Variants in CBFB observed in about 807,000 individuals in gnomAD.
CBFB encodes CBF-beta.
A neutral mutation model predicts 30.4 loss-of-function variants in CBFB; 9 were observed. The ratio of observed to expected loss-of-function variants is 0.30; its 90% CI spans 0.18 to 0.52. The LOEUF (loss-of-function observed/expected upper bound fraction) is 0.52. Among genes scored for constraint, CBFB ranks in the 20% least tolerant of loss-of-function variants. The pLI, the probability that CBFB is intolerant of heterozygous loss-of-function variation, is 0.97. For missense variants in CBFB, 170 were observed against 244.0 expected, an observed-to-expected ratio of 0.70 and a Z score of 2.02; for synonymous variants, 94 against 84.0, an observed-to-expected ratio of 1.12 and a Z score of -0.65.
At chr16:67,066,836 T>A in intron 4 of CBFB, 38 bp downstream of exon 4, 1 of 1,187,158 alleles carries the variant, frequency 8.4e-7, no homozygotes. Flanking sequence ...ATGGTCCCTT[T>A]AGTCCCTAAT....
At chr16:67,050,558 A>G (rs1966723133) in intron 3 of CBFB, among the ~76,000 whole-genome samples, 1 of 152,032 alleles carries the variant, frequency 6.6e-6, no homozygotes. Flanking sequence ...GTTTTGGGAG[A>G]CCAAGGCAGG....
At chr16:67,060,493 T>G (rs1445638149) in intron 3 of CBFB, among the ~76,000 whole-genome samples, 3 of 152,172 alleles carry the variant, frequency 2.0e-5, no homozygotes, top group African/African-American at 7.2e-5. Context: ...CTTATCTCCT[T>G]CGTGTTGCTC....
intron 4 of CBFB, 69 bp from the exon 5 acceptor site, chr16:67,082,144 A>C (rs76490053): frequency 9.1e-6 from 12 of 1,323,526 alleles, no homozygotes; most frequent in East Asian, 2.6e-5. Context: ...AAAAAAAAAA[A>C]ACAAAACCCA....
intron 3 of CBFB, among the ~76,000 whole-genome samples, chr16:67,046,741 G>A (rs1966634505): frequency 6.6e-6 from 1 of 152,118 alleles, no homozygotes; most frequent in Non-Finnish European, 1.5e-5. Context: ...GGAAGAAAAC[G>A]TTTGTAATTT....
At chr16:67,055,357 CTTTTTTTTTTTTTTTTTT>C (rs1163773529) in intron 3 of CBFB, among the ~76,000 whole-genome samples, 3 of 81,474 alleles carry the variant, frequency 3.7e-5, no homozygotes, top group South Asian at 4.3e-4. Context: ...CAGACACTTT[CTTTTTTTTTTTTTTTTTT>C]TTTTTTTTTG....
At chr16:67,040,555 A>G (rs1966512391) in intron 3 of CBFB, among the ~76,000 whole-genome samples, 1 of 152,160 alleles carries the variant, frequency 6.6e-6, no homozygotes, top group South Asian at 2.1e-4. Flanking sequence ...TGTTTTGACC[A>G]CTACTGTACC....
intron 4 of CBFB, among the ~76,000 whole-genome samples, chr16:67,070,106 T>C (rs1567617023): frequency 6.6e-6 from 1 of 152,244 alleles, no homozygotes; most frequent in Non-Finnish European, 1.5e-5. Flanking sequence ...ATAAAGAAAC[T>C]CTTTGTTTCT....
intron 4 of CBFB, 42 bp from the exon 5 acceptor site, chr16:67,082,171 T>TA (rs1961578465): frequency 2.1e-6 from 3 of 1,445,584 alleles, no homozygotes; most frequent in Non-Finnish European, 2.8e-6. Flanking sequence ...GTATTTTTTT[T>TA]ATAAATCAAA....
Position 67,055,079 on chromosome 16 carries a change from C to T in CBFB, c.283-11603C>T, listed in dbSNP as rs570701808. 2.3e-4 allele frequency among the ~76,000 whole-genome samples: 35 copies of T among 152,154 alleles called. 1 individual carries two copies. In the East Asian group the frequency reaches 4.6e-3, roughly 20 times the overall value. On this transcript the variant is annotated intron_variant, in intron 3 of 5. Transcript: ENST00000412916. ...TAGCTGGTAGATTTTTACTGCTTTACATCACTTCAGAGGAAATGGCTGCAA... is the reference window on the plus strand; with the variant it reads ...TAGCTGGTAGATTTTTACTGCTTTATATCACTTCAGAGGAAATGGCTGCAA...
chr16:67,030,569 G>A (rs1966321468), intron 2 of CBFB, among the ~76,000 whole-genome samples: 1 of 152,088 alleles, frequency 6.6e-6, no homozygotes, highest in Admixed American at 6.6e-5. Context: ...GATGAGGAGG[G>A]AGTGGTAGGA....
At chr16:67,096,331 AT>A (rs1231583577) in intron 5 of CBFB, among the ~76,000 whole-genome samples, 1 of 151,966 alleles carries the variant, frequency 6.6e-6, no homozygotes, top group African/African-American at 2.4e-5. Context: ...AATAATAATA[AT>A]TAGTTAATTC....
chr16:67,086,037 A>C (rs1420959369), intron 5 of CBFB, among the ~76,000 whole-genome samples: 1 of 152,156 alleles, frequency 6.6e-6, no homozygotes, highest in African/African-American at 2.4e-5. Flanking sequence ...AATTAATCTA[A>C]TGGGCTGATA....
At chr16:67,094,117 CTTTTT>C (rs757109594) in intron 5 of CBFB, among the ~76,000 whole-genome samples, 3 of 130,588 alleles carry the variant, frequency 2.3e-5, no homozygotes, top group African/African-American at 3.0e-5. Context: ...CTTCCTCCCT[CTTTTT>C]TTTTTTTTTT....
intron 4 of CBFB, among the ~76,000 whole-genome samples, chr16:67,068,021 T>C (rs1445271477): frequency 6.6e-6 from 1 of 152,202 alleles, no homozygotes; most frequent in Non-Finnish European, 1.5e-5. Context: ...CAAGGTAGAC[T>C]GGCAAACTCC....
intron 5 of CBFB, among the ~76,000 whole-genome samples, chr16:67,094,893 G>A (rs1961996681): frequency 6.6e-6 from 1 of 152,162 alleles, no homozygotes; most frequent in African/African-American, 2.4e-5. Context: ...AACAAAAGCA[G>A]TTAAAACATG....
intron 3 of CBFB, among the ~76,000 whole-genome samples, chr16:67,056,973 C>T (rs1372476413): frequency 6.6e-6 from 1 of 152,034 alleles, no homozygotes; most frequent in African/African-American, 2.4e-5. Context: ...AGCCACCATG[C>T]CCGGCCTCTA....
At chr16:67,035,488 G>A (rs1401608728) in intron 2 of CBFB, among the ~76,000 whole-genome samples, 1 of 152,180 alleles carries the variant, frequency 6.6e-6, no homozygotes, top group Non-Finnish European at 1.5e-5. Flanking sequence ...TTAGGGAAAT[G>A]CCATCAGAGA....
rs1966285621 is a variant in CBFB at position 67,029,307 on chromosome 16, G to A, written c.-101G>A. ...TGAAACAAAGGGAAGCGGGCGTCCG[G>A]GCGCCGCGGGTGGGCGGTCAGTCGG... On this transcript the variant is annotated 5_prime_UTR_variant, in exon 1 of 6. Transcript: ENST00000412916. The A allele has an allele frequency of 2.6e-6, 2 of 773,494 alleles. No homozygotes were observed. The highest frequency in any genetic ancestry group is 1.8e-5 in the African/African-American group (1 of 54,276). 47.9% of individuals were successfully genotyped at this position (773,494 alleles called of 1,614,324 possible). A position where few individuals can be genotyped will look rare whatever the true frequency, so the allele number is the denominator to read the frequency against.
At chr16:67,057,921 T>C (rs944447076) in intron 3 of CBFB, among the ~76,000 whole-genome samples, 2 of 152,230 alleles carry the variant, frequency 1.3e-5, no homozygotes, top group East Asian at 3.8e-4. Flanking sequence ...TGTTTTAGTA[T>C]CTGAAAGGGC....
Sources: allele counts gnomAD v4.1 joint callset (sites outside exome capture counted in the v4.1 genomes callset), GRCh38; gene constraint gnomAD v4.1.1; transcripts MANE v1.5; gene names NCBI Gene and HGNC (gene_info 2026-07-23, HGNC 2026-07-21).